PPP4R2: variants seen among roughly 807,000 people sequenced by gnomAD.
The protein encoded by PPP4R2 is serine/threonine-protein phosphatase 4 regulatory subunit 2.
Under a neutral mutation model 47.2 loss-of-function variants are expected in PPP4R2, and 13 were observed. That is an observed-to-expected ratio of 0.28 (90% CI 0.18 to 0.44). PPP4R2 has a LOEUF of 0.44. PPP4R2 is among the 20% of genes least tolerant of loss of function. The pLI is 1.00. For synonymous variants in PPP4R2, 151 were observed against 163.3 expected (o/e 0.92, Z 0.57); for missense variants, 421 against 491.2 (o/e 0.86, Z 1.35).
intron 4 of PPP4R2, among the ~76,000 whole-genome samples, chr3:73,060,406 G>GT (rs1347238124): frequency 6.6e-6 from 1 of 152,166 alleles, no homozygotes; most frequent in Non-Finnish European, 1.5e-5. Context: ...CAGGGTTGCA[G>GT]TGTTTCATAG....
At chr3:73,031,876 A>G (rs923585080) in intron 2 of PPP4R2, among the ~76,000 whole-genome samples, 2 of 152,204 alleles carry the variant, frequency 1.3e-5, no homozygotes, top group African/African-American at 2.4e-5. Flanking sequence ...AATAACGACC[A>G]TTGGGTGCTT....
intron 3 of PPP4R2, among the ~76,000 whole-genome samples, chr3:73,052,324 A>G (rs1228571607): frequency 6.7e-6 from 1 of 149,560 alleles, no homozygotes; most frequent in Non-Finnish European, 1.5e-5. Context: ...GATTATAACT[A>G]CTCTCCAAAA....
Position 72,998,114 on chromosome 3 carries a change from C to T in PPP4R2, c.72C>T (p.Val24=), listed in dbSNP as rs1221600905. 6.2e-7 allele frequency: 1 copy of T among 1,606,520 alleles called. No homozygotes were observed. Among genetic ancestry groups the T allele is most frequent in the Non-Finnish European group, 8.5e-7 (1 of 1,177,828 alleles). ...GGGGGAAAAAGGAAGTTTGTCCTGT[C>T]CTGGATCAGTTTCTTTGTCATGTAG... ...EKRGKKEVCP[V]LDQFLCHVAK... Residue 24 remains valine (V), a synonymous_variant, in exon 2 of 9, where the codon GTC becomes GTT. Coordinates refer to ENST00000356692, the MANE Select transcript of PPP4R2 (RefSeq NM_174907.4).
At position 73,063,891 on chromosome 3, in the gene PPP4R2, G is replaced by A; in HGVS notation, c.495-112G>A. 3 of 1,173,434 alleles carry A rather than the reference G, an allele frequency of 2.6e-6. No homozygotes were observed. In the South Asian group the frequency reaches 4.3e-5, roughly 17 times the overall value. The allele number at this position is 1,173,434 out of a possible 1,614,324, so 72.7% of individuals were successfully genotyped here. On this transcript the variant is annotated intron_variant, in intron 6 of 8. Transcript: ENST00000356692. The stretch of plus-strand genomic sequence containing the variant: ...AATTAGTTAATTTGGTAAGGCATGG[G>A]CCTGAAAACAAAGTTGCAGCAAATA...
chr3:73,002,641 T>TTTTC (rs2107201504), intron 2 of PPP4R2, among the ~76,000 whole-genome samples: 1 of 81,976 alleles, frequency 1.2e-5, no homozygotes, highest in South Asian at 6.9e-4. Flanking sequence ...TTTCTTTTTT[T>TTTTC]TTTTTTTTTT....
intron 4 of PPP4R2, 120 bp from the exon 5 acceptor site, chr3:73,060,903 C>G: frequency 1.7e-6 from 1 of 572,962 alleles, no homozygotes; most frequent in Non-Finnish European, 2.9e-6. Flanking sequence ...TTTTCCTTTA[C>G]TAGCAAAATT....
At chr3:73,063,823 A>T (rs11708712) in intron 6 of PPP4R2, 76 bp downstream of exon 6, 632,673 of 1,224,296 alleles carry the variant, frequency 0.52, 164,665 homozygotes, top group South Asian at 0.62. Context: ...TGTACTTTTT[A>T]AAAATTGGGC....
At chr3:73,026,053 T>G (rs1450007547) in intron 2 of PPP4R2, among the ~76,000 whole-genome samples, 5 of 152,200 alleles carry the variant, frequency 3.3e-5, no homozygotes, top group Non-Finnish European at 5.9e-5. Context: ...TTGTCTAATA[T>G]ATGCTATTAG....
intron 2 of PPP4R2, among the ~76,000 whole-genome samples, chr3:73,028,160 G>A (rs1702102757): frequency 6.6e-6 from 1 of 151,272 alleles, no homozygotes; most frequent in African/African-American, 2.4e-5. Context: ...AGGAAGCTGA[G>A]GCAGGAGAAT....
At chr3:73,016,740 T>C (rs1412364219) in intron 2 of PPP4R2, among the ~76,000 whole-genome samples, 1 of 105,232 alleles carries the variant, frequency 9.5e-6, no homozygotes, top group Non-Finnish European at 2.0e-5. Flanking sequence ...TTTATTTTTA[T>C]TATTTTTTTT....
chr3:73,025,489 C>T (rs1178081566), intron 2 of PPP4R2, among the ~76,000 whole-genome samples: 4 of 152,224 alleles, frequency 2.6e-5, no homozygotes, highest in East Asian at 1.9e-4. Flanking sequence ...GAAAAAAAGA[C>T]GTAGAACTGG....
intron 2 of PPP4R2, among the ~76,000 whole-genome samples, chr3:73,037,071 T>C (rs1417726810): frequency 3.9e-5 from 6 of 152,202 alleles, no homozygotes; most frequent in Non-Finnish European, 8.8e-5. Context: ...ATTATTGTCT[T>C]CTTTGCTGTA....
At chr3:73,062,851 T>C (rs1049696443) in intron 5 of PPP4R2, 1 of 1,613,798 alleles carries the variant, frequency 6.2e-7, no homozygotes, top group Non-Finnish European at 8.5e-7. Context: ...TTCACACTTC[T>C]ATTTGGAGAC....
chr3:73,033,947 AC>A (rs1702216549), intron 2 of PPP4R2, among the ~76,000 whole-genome samples: 1 of 152,190 alleles, frequency 6.6e-6, no homozygotes, highest in African/African-American at 2.4e-5. Flanking sequence ...GCTGGATCAT[AC>A]GGTAGTTCTG....
At chr3:73,032,004 T>C (rs886273247) in intron 2 of PPP4R2, among the ~76,000 whole-genome samples, 1 of 152,234 alleles carries the variant, frequency 6.6e-6, no homozygotes, top group Non-Finnish European at 1.5e-5. Context: ...AGGCTAGGGT[T>C]ATCTGCCTTA....
intron 2 of PPP4R2, among the ~76,000 whole-genome samples, chr3:73,046,193 A>AGTGCACACATTAACATT (rs1451822774): frequency 6.6e-6 from 1 of 152,204 alleles, no homozygotes; most frequent in Non-Finnish European, 1.5e-5. Context: ...TTATACCATC[A>AGTGCACACATTAACATT]GTGCACACAT....
In PPP4R2 at chr3:73,003,404, G is replaced by T. The variant is rs192491190; in HGVS notation, c.116+5246G>T. Among the ~76,000 whole-genome samples the T allele has an allele frequency of 1.4e-4, 21 of 152,054 alleles. No homozygotes were observed. In the East Asian group the frequency reaches 3.5e-3, roughly 25 times the overall value. On this transcript the variant is annotated intron_variant, in intron 2 of 8. Coordinates refer to ENST00000356692, the MANE Select transcript of PPP4R2 (RefSeq NM_174907.4). ...ATTTTTGTGTTTTTAGTAGAGACGG[G>T]GTTTCGCTGTGTTGAACAGGCTGTT...
At chr3:73,054,822 T>A (rs1384737500) in intron 3 of PPP4R2, among the ~76,000 whole-genome samples, 1 of 152,188 alleles carries the variant, frequency 6.6e-6, no homozygotes, top group African/African-American at 2.4e-5. Flanking sequence ...TTAGTACTTT[T>A]ATAGAAATTT....
chr3:72,997,230 C>T, intron 1 of PPP4R2, 159 bp downstream of exon 1: 1 of 473,914 alleles, frequency 2.1e-6, no homozygotes, highest in Non-Finnish European at 3.6e-6. Flanking sequence ...GCGGGGAGCC[C>T]TGTGGGCAGC....
Sources: allele counts gnomAD v4.1 joint callset (sites outside exome capture counted in the v4.1 genomes callset), GRCh38; gene constraint gnomAD v4.1.1; transcripts MANE v1.5; gene names NCBI Gene and HGNC (gene_info 2026-07-23, HGNC 2026-07-21).